The following EIF3H variants were observed in gnomAD, a reference collection of about 807,000 sequenced individuals.
EIF3H encodes eukaryotic translation initiation factor 3 subunit H.
In EIF3H, 26 loss-of-function variants were observed where a neutral mutation model predicts 44.2. That is an observed-to-expected ratio of 0.59 (90% CI 0.43 to 0.82). The LOEUF (loss-of-function observed/expected upper bound fraction) is 0.82. Ranked by LOEUF, EIF3H falls within the 40% of genes least tolerant of loss-of-function variation. The pLI, the probability that EIF3H is intolerant of heterozygous loss-of-function variation, is 0.00. For missense variants in EIF3H, 359 were observed against 432.8 expected, an observed-to-expected ratio of 0.83 and a Z score of 1.51; for synonymous variants, 166 against 151.9, an observed-to-expected ratio of 1.09 and a Z score of -0.68.
chr8:116,655,049 C>G (rs1813466276), intron 5 of EIF3H, among the ~76,000 whole-genome samples: 5 of 151,892 alleles, frequency 3.3e-5, no homozygotes, highest in African/African-American at 1.2e-4. Flanking sequence ...CTACTCTGAC[C>G]ATTTAATTTC....
At chr8:116,720,399 C>T in intron 2 of EIF3H, among the ~76,000 whole-genome samples, 1 of 152,124 alleles carries the variant, frequency 6.6e-6, no homozygotes, top group Non-Finnish European at 1.5e-5. Flanking sequence ...TAAGACATGT[C>T]TTTTGCCTTC....
At chr8:116,702,157 T>C (rs886654330) in intron 2 of EIF3H, among the ~76,000 whole-genome samples, 5 of 151,574 alleles carry the variant, frequency 3.3e-5, no homozygotes, top group Admixed American at 2.6e-4. Context: ...TGGGAAGGAG[T>C]TGATCAGCTG....
chr8:116,692,732 T>G, intron 2 of EIF3H, among the ~76,000 whole-genome samples: 1 of 152,194 alleles, frequency 6.6e-6, no homozygotes, highest in East Asian at 1.9e-4. Context: ...AAGACTGTAT[T>G]CGTAATGTTT....
chr8:116,690,393 C>T (rs1814154087), intron 2 of EIF3H, among the ~76,000 whole-genome samples: 1 of 150,926 alleles, frequency 6.6e-6, no homozygotes, highest in Non-Finnish European at 1.5e-5. Context: ...AAAAAAAACC[C>T]ATAAAGTTTG....
At chr8:116,702,519 G>T (rs1231258005) in intron 2 of EIF3H, among the ~76,000 whole-genome samples, 1 of 152,128 alleles carries the variant, frequency 6.6e-6, no homozygotes, top group Admixed American at 6.5e-5. Context: ...GAGATAGCAG[G>T]AACCAAGCTT....
rs571481363 is a variant in EIF3H, at chr8:116,649,215, T to C, written c.708-289A>G. Reference sequence around the variant, plus strand: ...TGTTAAACATACCTAGTGAGACATCTATAATACATATTTTTTATACCAAGT... The same window carrying C: ...TGTTAAACATACCTAGTGAGACATCCATAATACATATTTTTTATACCAAGT... On this transcript the variant is annotated intron_variant, in intron 5 of 7. Transcript: ENST00000521861. Among the ~76,000 whole-genome samples the C allele has an allele frequency of 1.8e-4, 28 of 152,364 alleles. No individual in the cohort carries two copies. In the East Asian group the frequency reaches 4.4e-3, roughly 24 times the overall value.
chr8:116,720,599 A>G lies in EIF3H; in HGVS notation c.289+5417T>C, dbSNP rs118106109. Among the ~76,000 whole-genome samples, 46 of 152,354 alleles carry G rather than the reference A, an allele frequency of 3.0e-4. No individual in the cohort carries two copies. In the East Asian group the frequency reaches 7.3e-3, roughly 24 times the overall value. On this transcript the variant is annotated intron_variant, in intron 2 of 7. Transcript: ENST00000521861. ...AATGTGGAAGTGACTTTGGAAGTGG[A>G]TAACAGGCAGAGGCTGAAACAGTTG...
At chr8:116,668,613 C>T (rs533930293) in intron 2 of EIF3H, among the ~76,000 whole-genome samples, 137 of 152,208 alleles carry the variant, frequency 9.0e-4, no homozygotes, top group African/African-American at 3.1e-3. Flanking sequence ...ATCTGAAGCA[C>T]CTAACCTGGT....
At chr8:116,733,112 C>G (rs1355441037) in intron 1 of EIF3H, among the ~76,000 whole-genome samples, 2 of 152,160 alleles carry the variant, frequency 1.3e-5, no homozygotes, top group African/African-American at 4.8e-5. Flanking sequence ...GAATGACTCA[C>G]AGAATCCAGA....
intron 1 of EIF3H, among the ~76,000 whole-genome samples, chr8:116,726,521 T>C (rs1004897481): frequency 6.6e-6 from 1 of 152,162 alleles, no homozygotes; most frequent in African/African-American, 2.4e-5. Context: ...GAGAAAGTGA[T>C]CCTGTTAATA....
chr8:116,713,367 T>TAA lies in EIF3H; in HGVS notation c.289+12647_289+12648dup, dbSNP rs563868512. On this transcript the variant is annotated intron_variant, in intron 2 of 7. Transcript: ENST00000521861. ...ATAGCGTAAAGCACTTTAATTTCTT[T>TAA]AAGCAGAAAAATCTTTTACCTTGAC... Among the ~76,000 whole-genome samples, 30 of 152,250 alleles carry TAA rather than the reference T, an allele frequency of 2.0e-4. No homozygotes were observed. The East Asian group carries it at 4.6e-3, about 23-fold the overall frequency.
chr8:116,675,507 T>G (rs1018095643), intron 2 of EIF3H, among the ~76,000 whole-genome samples: 3 of 152,220 alleles, frequency 2.0e-5, no homozygotes, highest in African/African-American at 7.2e-5. Context: ...CTTCCCAAGT[T>G]GTGGCAACCA....
At chr8:116,696,304 CTG>C (rs1814267784) in intron 2 of EIF3H, among the ~76,000 whole-genome samples, 1 of 152,136 alleles carries the variant, frequency 6.6e-6, no homozygotes, top group African/African-American at 2.4e-5. Context: ...ACTGATCAAA[CTG>C]GGGATAAACT....
intron 2 of EIF3H, among the ~76,000 whole-genome samples, chr8:116,693,416 G>A (rs551485026): frequency 1.3e-5 from 2 of 152,132 alleles, no homozygotes; most frequent in South Asian, 4.1e-4. Flanking sequence ...CCACCTACGT[G>A]GTAACAAATA....
In EIF3H at chr8:116,646,468, T is replaced by C; in HGVS notation, c.961+3A>G. On this transcript the variant is annotated splice_donor_region_variant and intron_variant, in intron 7 of 7. Transcript: ENST00000521861. ...AGCCAGGTTTTGCACTGGGCAACAA[T>C]ACCTGCAATGAGCAGCGAGTCCATC... 1 of 1,614,140 alleles carries C rather than the reference T, an allele frequency of 6.2e-7. No individual in the cohort carries two copies. Among genetic ancestry groups the C allele is most frequent in the Non-Finnish European group, 8.5e-7 (1 of 1,179,998 alleles).
intron 1 of EIF3H, among the ~76,000 whole-genome samples, chr8:116,733,598 C>G (rs1466291284): frequency 6.6e-6 from 1 of 151,434 alleles, no homozygotes; most frequent in Non-Finnish European, 1.5e-5. Flanking sequence ...TTTCAAGGCC[C>G]TTTAAAATTT....
intron 1 of EIF3H, among the ~76,000 whole-genome samples, chr8:116,726,451 G>C (rs990498451): frequency 6.6e-6 from 1 of 152,114 alleles, no homozygotes; most frequent in Non-Finnish European, 1.5e-5. Context: ...CCCATGGTCT[G>C]GCATCCAGGA....
chr8:116,725,170 A>G (rs894456170), intron 2 of EIF3H, among the ~76,000 whole-genome samples: 1 of 152,242 alleles, frequency 6.6e-6, no homozygotes, highest in African/African-American at 2.4e-5. Flanking sequence ...GCTAAATAAC[A>G]TAAGTCACTC....
At chr8:116,651,815 A>G (rs1233721832) in intron 5 of EIF3H, among the ~76,000 whole-genome samples, 1 of 152,252 alleles carries the variant, frequency 6.6e-6, no homozygotes, top group African/African-American at 2.4e-5. Context: ...ACAACGGTCA[A>G]AGTGCAATGA....
Sources: allele counts gnomAD v4.1 joint callset (sites outside exome capture counted in the v4.1 genomes callset), GRCh38; gene constraint gnomAD v4.1.1; transcripts MANE v1.5; gene names NCBI Gene and HGNC (gene_info 2026-07-23, HGNC 2026-07-21).